The following CFAP20DC variants were observed in gnomAD, a reference collection of about 807,000 sequenced individuals.
CFAP20DC encodes the protein CFAP20 domain containing.
Under a neutral mutation model 101.7 loss-of-function variants are expected in CFAP20DC, and 84 were observed. The ratio of observed to expected loss-of-function variants is 0.83; its 90% confidence interval spans 0.69 to 0.99. The LOEUF (loss-of-function observed/expected upper bound fraction) is 0.99. Among genes scored for constraint, CFAP20DC ranks in the 50% least tolerant of loss-of-function variants. The probability of loss-of-function intolerance (pLI) is 0.00; values close to 1 mark genes in which losing one functional copy is unlikely to be tolerated. For missense variants in CFAP20DC, 1,007 were observed against 970.3 expected, an observed-to-expected ratio of 1.04 and a Z score of -0.50; for synonymous variants, 359 against 351.2, an observed-to-expected ratio of 1.02 and a Z score of -0.25.
chr3:58,831,005 G>C (rs2076357800), intron 14 of CFAP20DC, among the ~76,000 whole-genome samples: 1 of 152,148 alleles, frequency 6.6e-6, no homozygotes, highest in Non-Finnish European at 1.5e-5. Flanking sequence ...TAAAAACTGG[G>C]CTCTGCTCTG....
In CFAP20DC at chr3:58,798,116, ATTTAAGCT is replaced by A. The variant is rs56880845; in HGVS notation, c.2237+8271_2237+8278del. On this transcript the variant is annotated intron_variant, in intron 15 of 16. Transcript: ENST00000482387. ...TCTGCAGCTCATGGATCAAGGAGTA[ATTTAAGCT>A]TTCAAGTCTTCTTAAGAAATACATT... Among the ~76,000 whole-genome samples the A allele has an allele frequency of 1.6e-3, 245 of 152,246 alleles. 1 individual carries two copies. Among genetic ancestry groups the A allele is most frequent in the African/African-American group, 5.8e-3 (239 of 41,514 alleles).
In CFAP20DC at chr3:59,001,170, T is replaced by A. The variant is rs2093299090; in HGVS notation, c.278+38387A>T. 6.6e-6 allele frequency among the ~76,000 whole-genome samples: 1 copy of A among 152,064 alleles called. No homozygotes were observed. The highest frequency in any genetic ancestry group is 1.5e-5 in the Non-Finnish European group (1 of 67,982). On this transcript the variant is annotated intron_variant, in intron 4 of 16. Coordinates refer to ENST00000482387, the MANE Select transcript of CFAP20DC (RefSeq NM_001394063.1). This position sits in a 1 kb window ranked among gnomAD's most constrained non-coding sequence, Gnocchi z 4.5. ...AAAGAAAGGAAAGAGACCTAAGAGA[T>A]TTAAATCAATGGTAAAATAACACAC...
intron 15 of CFAP20DC, 35 bp downstream of exon 15, chr3:58,806,360 T>C: frequency 7.1e-7 from 1 of 1,401,046 alleles, no homozygotes; most frequent in Non-Finnish European, 1.0e-6. Context: ...CTAAGTTTTT[T>C]TTTTTCTTAA....
Position 58,892,452 on chromosome 3 carries a change from C to T in CFAP20DC, c.551-7743G>A, listed in dbSNP as rs1412854126. Among the ~76,000 whole-genome samples the T allele has an allele frequency of 6.6e-6, 1 of 152,164 alleles. No homozygotes were observed. The highest frequency in any genetic ancestry group is 1.5e-5 in the Non-Finnish European group (1 of 68,032). On this transcript the variant is annotated intron_variant, in intron 6 of 16. Transcript: ENST00000482387. The surrounding 1 kb of genome is among the most constrained non-coding windows in gnomAD (Gnocchi z 4.0). ...TATGGCCATTTTCATGATATTGATT[C>T]TTCCTATCCATGAGCATGGAATGTT...
At chr3:58,744,766 T>C (rs1038083108) in intron 16 of CFAP20DC, among the ~76,000 whole-genome samples, 1 of 152,076 alleles carries the variant, frequency 6.6e-6, no homozygotes, top group African/African-American at 2.4e-5. Flanking sequence ...AGCCATTTTT[T>C]TGGGGAGGCT....
intron 6 of CFAP20DC, among the ~76,000 whole-genome samples, chr3:58,886,812 G>GT (rs2081672017): frequency 1.3e-5 from 2 of 152,122 alleles, no homozygotes; most frequent in South Asian, 4.1e-4. Context: ...CTCAAGCATA[G>GT]TTTTTAATTT....
chr3:58,962,288 A>T (rs1408010202), intron 4 of CFAP20DC, among the ~76,000 whole-genome samples: 3 of 152,194 alleles, frequency 2.0e-5, no homozygotes, highest in Non-Finnish European at 4.4e-5. Context: ...CTATTAAGAC[A>T]CACACTATTT....
chr3:58,983,093 C>A (rs1334579263), intron 4 of CFAP20DC, among the ~76,000 whole-genome samples: 2 of 151,944 alleles, frequency 1.3e-5, no homozygotes, highest in Non-Finnish European at 1.5e-5. Context: ...TGATCATGGG[C>A]CATTAGGATA....
At chr3:58,815,982 T>A (rs1475615337) in intron 14 of CFAP20DC, among the ~76,000 whole-genome samples, 2 of 150,628 alleles carry the variant, frequency 1.3e-5, no homozygotes, top group Non-Finnish European at 2.9e-5. Context: ...ACTGGAAATA[T>A]CATTTGACCC....
chr3:58,791,592 C>G (rs1575650982), intron 15 of CFAP20DC, among the ~76,000 whole-genome samples: 1 of 152,100 alleles, frequency 6.6e-6, no homozygotes. Context: ...TTTCCAATGA[C>G]AATGTATATT....
intron 14 of CFAP20DC, among the ~76,000 whole-genome samples, chr3:58,810,202 A>G (rs2074491746): frequency 6.6e-6 from 1 of 152,156 alleles, no homozygotes. Context: ...AACTCATTTT[A>G]TGAGGCCAGC....
intron 13 of CFAP20DC, among the ~76,000 whole-genome samples, chr3:58,833,754 A>C (rs900711255): frequency 6.6e-6 from 1 of 152,234 alleles, no homozygotes; most frequent in Non-Finnish European, 1.5e-5. Flanking sequence ...ATATGTTCAC[A>C]CAAAACTTGC....
chr3:58,913,893 A>T lies in CFAP20DC; in HGVS notation c.394-29T>A. ...AAATAGAGAGATGCAAAGAAGAGTA[A>T]GGACCTTTCATCAACACATAAATGA... On this transcript the variant is annotated intron_variant, in intron 5 of 16. Transcript: ENST00000482387. The surrounding 1 kb of genome is among the most constrained non-coding windows in gnomAD (Gnocchi z 4.4). The T allele has an allele frequency of 7.4e-6, 12 of 1,610,926 alleles. No homozygotes were observed. The highest frequency in any genetic ancestry group is 1.0e-5 in the Non-Finnish European group (12 of 1,178,166).
chr3:58,768,060 G>A (rs189634839), intron 15 of CFAP20DC, among the ~76,000 whole-genome samples: 22 of 152,256 alleles, frequency 1.4e-4, no homozygotes, highest in African/African-American at 5.1e-4. Context: ...AGAGCTAAGG[G>A]ACTGTTCAAG....
Position 58,960,262 on chromosome 3 carries a change from G to A in CFAP20DC, c.279-22500C>T, listed in dbSNP as rs538425921. On this transcript the variant is annotated intron_variant, in intron 4 of 16. Transcript: ENST00000482387. ...AATCCCAGCACTTTGGGAGGCCGAG[G>A]TGGGTGGATCACCTGAGGTCGGGAG... Among the ~76,000 whole-genome samples, 648 of 152,222 alleles carry A rather than the reference G, an allele frequency of 4.3e-3. 1 individual carries two copies. The highest frequency in any genetic ancestry group is 6.6e-3 in the Non-Finnish European group (448 of 68,016).
At chr3:58,995,974 A>AAATCAATC (rs749828850) in intron 4 of CFAP20DC, among the ~76,000 whole-genome samples, 6 of 85,878 alleles carry the variant, frequency 7.0e-5, no homozygotes, top group East Asian at 3.8e-4. Flanking sequence ...TCTGTATAAT[A>AAATCAATC]AATCTATCTA....
At position 58,866,677 on chromosome 3, in the gene CFAP20DC, C is replaced by G; in HGVS notation, c.1147G>C (p.Gly383Arg). The change falls in exon 11 of 17, where the codon GGA (glycine) becomes CGA (arginine). Residue 383 changes from glycine (G) to arginine (R), a missense_variant. Gly to Arg is a moderately radical substitution (Grantham distance 125). Transcript: ENST00000482387. ...GCTTTATCTTCAATCCTATTATTTC[C>G]TGAAGAGCTACCTTTATTGAGATAA... The part of the protein sequence containing the change: ...RTETPSGSSS[G>R]NNRIEDKAST... 1 of 1,573,034 alleles carries G rather than the reference C, an allele frequency of 6.4e-7. No homozygotes were observed. Among genetic ancestry groups the G allele is most frequent in the African/African-American group, 1.3e-5 (1 of 74,088 alleles).
intron 4 of CFAP20DC, among the ~76,000 whole-genome samples, chr3:58,992,192 T>C (rs555572751): frequency 2.7e-4 from 41 of 152,254 alleles, no homozygotes; most frequent in Admixed American, 1.3e-3. Context: ...TGATTCCAGG[T>C]TGTGTGCTGT....
rs142272676 is a variant in CFAP20DC at position 58,979,282 on chromosome 3, T to C, written c.279-41520A>G. 1.5e-3 allele frequency among the ~76,000 whole-genome samples: 232 copies of C among 152,338 alleles called. 2 individuals are homozygous for C. The highest frequency in any genetic ancestry group is 0.011 in the East Asian group (59 of 5,186). Reference sequence around the variant, plus strand: ...GTACTTGGGGCAAGTTAGGGCTCCCTCTTCTCAATTTCCTCACCTTTAATC... The same window carrying C: ...GTACTTGGGGCAAGTTAGGGCTCCCCCTTCTCAATTTCCTCACCTTTAATC... On this transcript the variant is annotated intron_variant, in intron 4 of 16. Transcript: ENST00000482387.
Sources: allele counts gnomAD v4.1 joint callset (sites outside exome capture counted in the v4.1 genomes callset), GRCh38; gene constraint gnomAD v4.1.1; non-coding constraint Gnocchi (gnomAD v3.1); transcripts MANE v1.5; gene names NCBI Gene and HGNC (gene_info 2026-07-23, HGNC 2026-07-21).